ARHGEF3: variants seen among roughly 807,000 people sequenced by gnomAD.
ARHGEF3 encodes 59.8 kDA protein.
ARHGEF3 carries 28 observed loss-of-function variants against 63.2 expected under a neutral mutation model. That is an observed-to-expected ratio of 0.44 (90% CI 0.33 to 0.61). The LOEUF (loss-of-function observed/expected upper bound fraction) is 0.61, where lower values mean the gene tolerates loss of function less well. Among genes scored for constraint, ARHGEF3 ranks in the 20% least tolerant of loss-of-function variants. ARHGEF3 has a pLI of 0.03. For missense variants in ARHGEF3, 533 were observed against 659.3 expected, an observed-to-expected ratio of 0.81 and a Z score of 2.10; for synonymous variants, 266 against 254.2, an observed-to-expected ratio of 1.05 and a Z score of -0.44.
At chr3:56,981,574 T>A (rs959409045) in intron 2 of ARHGEF3, among the ~76,000 whole-genome samples, 2 of 152,228 alleles carry the variant, frequency 1.3e-5, no homozygotes, top group African/African-American at 4.8e-5. Context: ...CATAACCCTG[T>A]ATTATTTCAA....
At chr3:56,737,064 A>T in intron 8 of ARHGEF3, 121 bp downstream of exon 8, 3 of 1,132,326 alleles carry the variant, frequency 2.6e-6, no homozygotes, top group Non-Finnish European at 3.7e-6. Flanking sequence ...ACAAAGCGAG[A>T]CTCCATCTCA....
At chr3:56,805,383 C>A (rs1399215229), upstream of ARHGEF3, among the ~76,000 whole-genome samples, 2 of 152,132 alleles carry the variant, frequency 1.3e-5, no homozygotes, top group Non-Finnish European at 2.9e-5. Context: ...TACAGGCACA[C>A]GTCACCACGC....
At chr3:56,936,816 C>A (rs1698929356) in intron 3 of ARHGEF3, among the ~76,000 whole-genome samples, 1 of 152,174 alleles carries the variant, frequency 6.6e-6, no homozygotes, top group African/African-American at 2.4e-5. Context: ...AACTCCAGAG[C>A]TCAAGTGATC....
chr3:56,741,572 C>T (rs1265697422), intron 7 of ARHGEF3, among the ~76,000 whole-genome samples: 3 of 130,186 alleles, frequency 2.3e-5, no homozygotes, highest in South Asian at 5.2e-4. Flanking sequence ...GTGGCAATCT[C>T]GGCTCACTGC....
At position 56,754,965 on chromosome 3, in the gene ARHGEF3, T is replaced by C; in HGVS notation, c.375+16A>G. The C allele has an allele frequency of 3.1e-6, 5 of 1,614,074 alleles. No homozygotes were observed. The highest frequency in any genetic ancestry group is 4.2e-6 in the Non-Finnish European group (5 of 1,179,984). Reference sequence around the variant, plus strand: ...TGTTCCAGACACACAGCCAGCTCCATGGGCCCCGAGCCTACCTCCTGACGT... The same window carrying C: ...TGTTCCAGACACACAGCCAGCTCCACGGGCCCCGAGCCTACCTCCTGACGT... On this transcript the variant is annotated intron_variant, in intron 3 of 9. Transcript: ENST00000296315.
At chr3:56,798,536 C>T (rs931727243) in intron 1 of ARHGEF3, among the ~76,000 whole-genome samples, 1 of 43,964 alleles carries the variant, frequency 2.3e-5, no homozygotes. Context: ...TTCTTTACTT[C>T]GTTTTTTTTT....
At chr3:56,967,092 A>G (rs1700531398) in intron 2 of ARHGEF3, among the ~76,000 whole-genome samples, 1 of 146,894 alleles carries the variant, frequency 6.8e-6, no homozygotes, top group Non-Finnish European at 1.5e-5. Context: ...CGAACTCCCG[A>G]CCTCAAGTGA....
chr3:57,011,059 C>T (rs2107101261), intron 2 of ARHGEF3, among the ~76,000 whole-genome samples: 1 of 152,324 alleles, frequency 6.6e-6, no homozygotes, highest in Middle Eastern at 3.4e-3. Flanking sequence ...CTCCCGCCCG[C>T]TTCCATAGTT....
chr3:56,881,886 C>T (rs1244872093), intron 4 of ARHGEF3, among the ~76,000 whole-genome samples: 1 of 152,242 alleles, frequency 6.6e-6, no homozygotes, highest in African/African-American at 2.4e-5. Context: ...CACTATGCTT[C>T]TGGAGTCTTA....
intron 2 of ARHGEF3, among the ~76,000 whole-genome samples, chr3:56,966,847 T>A (rs943722990): frequency 2.0e-4 from 28 of 143,092 alleles, no homozygotes; most frequent in Admixed American, 8.0e-4. Flanking sequence ...CTTTTTTTTT[T>A]TAATTATTAT....
intron 2 of ARHGEF3, among the ~76,000 whole-genome samples, chr3:56,768,578 C>G (rs888862308): frequency 6.6e-6 from 1 of 151,268 alleles, no homozygotes; most frequent in East Asian, 1.9e-4. Context: ...CATAATACTC[C>G]CCCCTAAGCT....
At chr3:57,066,509 C>A (rs933213262) in intron 1 of ARHGEF3, among the ~76,000 whole-genome samples, 2 of 152,178 alleles carry the variant, frequency 1.3e-5, no homozygotes, top group Non-Finnish European at 2.9e-5. Flanking sequence ...GTGATCCATC[C>A]GCCTCGGCCT....
At chr3:56,790,398 A>G (rs934389082) in intron 1 of ARHGEF3, among the ~76,000 whole-genome samples, 1 of 152,172 alleles carries the variant, frequency 6.6e-6, no homozygotes, top group Non-Finnish European at 1.5e-5. Flanking sequence ...ACAAGAAACC[A>G]TCAGTTTTCC....
Position 56,973,021 on chromosome 3 carries a change from G to GT in ARHGEF3, c.63-14133dup, listed in dbSNP as rs796976886. The stretch of plus-strand genomic sequence containing the variant: ...TAGTGGAATGGTGAACAGTTTTTTT[G>GT]TTTTTTTTTTTTTGAGATGGAGTCT... On this transcript the variant is annotated intron_variant, in intron 2 of 12. Coordinates refer to the ARHGEF3 transcript ENST00000338458. Among the ~76,000 whole-genome samples the GT allele has an allele frequency of 1.8e-3, 260 of 140,654 alleles. 1 individual carries two copies. The highest frequency in any genetic ancestry group is 4.3e-3 in the East Asian group (21 of 4,870). The allele number at this position is 140,654 out of a possible 152,430, so 92.3% of individuals were successfully genotyped here.
chr3:57,020,473 C>T (rs1449678138), intron 2 of ARHGEF3, among the ~76,000 whole-genome samples: 2 of 152,202 alleles, frequency 1.3e-5, no homozygotes, highest in Non-Finnish European at 2.9e-5. Flanking sequence ...TCCATGGGTT[C>T]AGATGAGGCT....
At chr3:56,759,649 A>C (rs138013643) in intron 2 of ARHGEF3, among the ~76,000 whole-genome samples, 1 of 152,298 alleles carries the variant, frequency 6.6e-6, no homozygotes, top group Admixed American at 6.5e-5. Flanking sequence ...CTTCCACCTC[A>C]ATCTCTTGAG....
chr3:57,002,012 T>C lies in ARHGEF3; in HGVS notation c.62+33076A>G, dbSNP rs376792092. Among the ~76,000 whole-genome samples the C allele has an allele frequency of 3.7e-4, 55 of 147,562 alleles. 1 individual carries two copies. The East Asian group carries it at 8.3e-3, about 22-fold the overall frequency. ...GATCTCGGCTCACTGCAAGCTCCGC[T>C]TCCCGGGTTCACGCCATTCTCCTGC... On this transcript the variant is annotated intron_variant, in intron 2 of 12. Transcript: ENST00000338458.
chr3:56,996,399 A>G (rs1701987886), intron 2 of ARHGEF3, among the ~76,000 whole-genome samples: 1 of 152,248 alleles, frequency 6.6e-6, no homozygotes, highest in South Asian at 2.1e-4. Flanking sequence ...GTGTCTCACC[A>G]AAATTCATGG....
At chr3:56,795,609 A>AG (rs1383778549) in intron 1 of ARHGEF3, among the ~76,000 whole-genome samples, 2 of 150,996 alleles carry the variant, frequency 1.3e-5, no homozygotes, top group African/African-American at 4.9e-5. Flanking sequence ...AGCCAGTAGA[A>AG]GGTTTGGAAA....
Sources: allele counts gnomAD v4.1 joint callset (sites outside exome capture counted in the v4.1 genomes callset), GRCh38; gene constraint gnomAD v4.1.1; transcripts MANE v1.5; gene names NCBI Gene and HGNC (gene_info 2026-07-23, HGNC 2026-07-21).